SORCS2: variants seen among roughly 807,000 people sequenced by gnomAD.
SORCS2 encodes the protein VPS10 domain-containing receptor SorCS2.
Under a neutral mutation model 141.6 loss-of-function variants are expected in SORCS2, and 100 were observed. The ratio of observed to expected loss-of-function variants is 0.71; its 90% CI spans 0.60 to 0.83. The LOEUF (loss-of-function observed/expected upper bound fraction) is 0.83, where lower values mean the gene tolerates loss of function less well. SORCS2 is among the 40% of genes least tolerant of loss of function. SORCS2 has a pLI of 0.00. For synonymous variants in SORCS2, 789 were observed against 676.9 expected (o/e 1.17, Z -2.57); for missense variants, 1,646 against 1,560.2 (o/e 1.05, Z -0.93).
rs765132758 is a variant in SORCS2 at position 7,676,824 on chromosome 4, T to TCTCTCTCTCTCTCTCTCTCTCCCC, written c.1341+600_1341+601insTCTCTCTCTCTCTCTCCCCCTCTC. Among the ~76,000 whole-genome samples the TCTCTCTCTCTCTCTCTCTCTCCCC allele has an allele frequency of 7.1e-4, 35 of 49,098 alleles. 5 individuals carry two copies. Among genetic ancestry groups the TCTCTCTCTCTCTCTCTCTCTCCCC allele is most frequent in the African/African-American group, 3.1e-3 (35 of 11,312 alleles). 32.2% of individuals were successfully genotyped at this position (49,098 alleles called of 152,430 possible). Reference sequence around the variant, plus strand: ...TTCTGTCTCTCTCTCTCTCTCTCTCTCTCTCCCTCTCTCCACCCCAGCCCT... The same window carrying TCTCTCTCTCTCTCTCTCTCTCCCC: ...TTCTGTCTCTCTCTCTCTCTCTCTCTCTCTCTCTCTCTCTCTCTCTCCCCCTCTCCCTCTCTCCACCCCAGCCCT... On this transcript the variant is annotated intron_variant, in intron 9 of 26. Coordinates refer to ENST00000507866, the MANE Select transcript of SORCS2 (RefSeq NM_020777.3).
chr4:7,427,551 A>G (rs1045506028), intron 2 of SORCS2, among the ~76,000 whole-genome samples: 3 of 152,022 alleles, frequency 2.0e-5, no homozygotes, highest in African/African-American at 7.3e-5. Context: ...TTGGCAGCTG[A>G]CCATCTGTGT....
intron 3 of SORCS2, among the ~76,000 whole-genome samples, chr4:7,571,963 C>A (rs140357962): frequency 1.3e-5 from 2 of 152,270 alleles, no homozygotes; most frequent in African/African-American, 4.8e-5. Flanking sequence ...AGCTGCCTGT[C>A]CTCCAGGCAC....
chr4:7,650,333 A>G (rs1442309004), intron 4 of SORCS2, among the ~76,000 whole-genome samples: 1 of 152,176 alleles, frequency 6.6e-6, no homozygotes, highest in Non-Finnish European at 1.5e-5. Context: ...TCCTGCTATT[A>G]CGGGTGTTAT....
chr4:7,281,357 C>T (rs916114893), intron 1 of SORCS2, among the ~76,000 whole-genome samples: 2 of 152,100 alleles, frequency 1.3e-5, no homozygotes, highest in Admixed American at 6.5e-5. Flanking sequence ...TTCTCCGTAG[C>T]CCCTTCATTC....
chr4:7,215,241 T>C (rs11727432), intron 1 of SORCS2, among the ~76,000 whole-genome samples: 110,272 of 151,984 alleles, frequency 0.73, 40,223 homozygotes, highest in East Asian at 0.82. Context: ...CCGGCCCTGC[T>C]GGCCCCGGGC....
At chr4:7,262,795 G>T (rs901558458) in intron 1 of SORCS2, among the ~76,000 whole-genome samples, 5 of 152,184 alleles carry the variant, frequency 3.3e-5, no homozygotes, top group African/African-American at 1.2e-4. Context: ...CCTGGGTCTT[G>T]TGTGCCTTCC....
chr4:7,627,440 C>T (rs892895145), intron 3 of SORCS2, among the ~76,000 whole-genome samples: 4 of 152,194 alleles, frequency 2.6e-5, no homozygotes, highest in Non-Finnish European at 5.9e-5. Context: ...CAACATGTTT[C>T]TCAGAATTGT....
chr4:7,337,282 G>A (rs1444076563), intron 1 of SORCS2, among the ~76,000 whole-genome samples: 2 of 152,186 alleles, frequency 1.3e-5, no homozygotes, highest in Non-Finnish European at 2.9e-5. Context: ...GGAGGGATGT[G>A]TCCCAGCCCA....
chr4:7,610,591 G>A (rs1029385747), intron 3 of SORCS2, among the ~76,000 whole-genome samples: 3 of 152,122 alleles, frequency 2.0e-5, no homozygotes, highest in East Asian at 3.9e-4. Context: ...GGTGGGGCTT[G>A]GGGGGGTCCT....
intron 1 of SORCS2, among the ~76,000 whole-genome samples, chr4:7,236,033 TC>T (rs1712244738): frequency 6.6e-6 from 1 of 152,170 alleles, no homozygotes; most frequent in Non-Finnish European, 1.5e-5. Context: ...CTGCTGGCAT[TC>T]TAGTGGGGAG....
chr4:7,540,250 C>T (rs1466845594), intron 3 of SORCS2, among the ~76,000 whole-genome samples: 2 of 147,298 alleles, frequency 1.4e-5, no homozygotes, highest in East Asian at 2.1e-4. Context: ...CTCCTTCCTG[C>T]CAACTGCTGA....
chr4:7,318,886 A>G (rs1384636140), intron 1 of SORCS2, among the ~76,000 whole-genome samples: 1 of 152,240 alleles, frequency 6.6e-6, no homozygotes, highest in Non-Finnish European at 1.5e-5. Flanking sequence ...CTTAGTAGCC[A>G]GTCTTCTCCT....
chr4:7,418,350 C>T (rs1560268236), intron 2 of SORCS2, among the ~76,000 whole-genome samples: 1 of 152,120 alleles, frequency 6.6e-6, no homozygotes, highest in Admixed American at 6.6e-5. Flanking sequence ...CAATGCAGGC[C>T]CAGGGGTCAG....
intron 2 of SORCS2, among the ~76,000 whole-genome samples, chr4:7,508,291 C>CA (rs1350625797): frequency 3.0e-5 from 2 of 67,344 alleles, no homozygotes; most frequent in East Asian, 0.018. Flanking sequence ...CCCTAGCACC[C>CA]ATCACCTCTT....
chr4:7,695,184 G>A (rs1724515848), intron 11 of SORCS2, among the ~76,000 whole-genome samples: 1 of 150,482 alleles, frequency 6.6e-6, no homozygotes, highest in Admixed American at 6.7e-5. Context: ...ATGATCAATT[G>A]GATGGATATT....
chr4:7,675,906 G>A (rs539400212), intron 8 of SORCS2, 144 bp from the exon 9 acceptor site: 21 of 836,626 alleles, frequency 2.5e-5, no homozygotes, highest in African/African-American at 3.4e-5. Context: ...CAGAGCAGCC[G>A]AGCCAGGAGG....
intron 2 of SORCS2, among the ~76,000 whole-genome samples, chr4:7,425,182 G>A (rs1330577826): frequency 6.6e-6 from 1 of 152,222 alleles, no homozygotes; most frequent in East Asian, 1.9e-4. Context: ...CACCACGCAG[G>A]AGCCTCCGTT....
chr4:7,479,851 C>G (rs147839827), intron 2 of SORCS2, among the ~76,000 whole-genome samples: 164 of 152,340 alleles, frequency 1.1e-3, no homozygotes, highest in Middle Eastern at 3.4e-3. Flanking sequence ...TTTTAATGAG[C>G]AATTATTTGG....
intron 1 of SORCS2, among the ~76,000 whole-genome samples, chr4:7,239,193 G>T (rs1185512295): frequency 6.6e-6 from 1 of 152,246 alleles, no homozygotes; most frequent in Non-Finnish European, 1.5e-5. Flanking sequence ...TTGTGCCCAG[G>T]ATGCTGCTAT....
Sources: gnomAD v4.1 joint callset for allele counts (sites outside exome capture counted in the v4.1 genomes callset) on GRCh38, gnomAD v4.1.1 for gene constraint, MANE v1.5 for transcripts, NCBI Gene and HGNC (gene_info 2026-07-23, HGNC 2026-07-21) for gene names.